Variants in CCDC40 observed in about 807,000 individuals in gnomAD.
CCDC40 encodes the protein coiled-coil domain 40 molecular ruler complex subunit.
CCDC40 carries 104 observed loss-of-function variants against 124.5 expected under a neutral mutation model. That is an observed-to-expected ratio of 0.84 (90% CI 0.71 to 0.98). CCDC40 has a LOEUF of 0.98. CCDC40 is among the 50% of genes least tolerant of loss of function. The probability of loss-of-function intolerance (pLI) is 0.00; values close to 1 mark genes in which losing one functional copy is unlikely to be tolerated. For synonymous variants in CCDC40, 580 were observed against 602.9 expected (o/e 0.96, Z 0.56); for missense variants, 1,463 against 1,503.9 (o/e 0.97, Z 0.45).
chr17:80,042,374 C>T (rs1440262935), intron 3 of CCDC40, among the ~76,000 whole-genome samples: 1 of 152,222 alleles, frequency 6.6e-6, no homozygotes, highest in Non-Finnish European at 1.5e-5. Flanking sequence ...CCTGCCGCAG[C>T]TTCCCAAAGT....
chr17:80,088,589 T>C (rs1397511435), intron 16 of CCDC40, among the ~76,000 whole-genome samples: 3 of 152,172 alleles, frequency 2.0e-5, no homozygotes, highest in African/African-American at 7.2e-5. Flanking sequence ...GGAGGCTCCT[T>C]TGGGGCCAGG....
At position 80,089,747 on chromosome 17, in the gene CCDC40, C is replaced by T. The variant is rs748456488; in HGVS notation, c.2712-17C>T. The T allele has an allele frequency of 6.2e-6, 10 of 1,614,154 alleles. No individual in the cohort carries two copies. The highest frequency in any genetic ancestry group is 8.5e-6 in the Non-Finnish European group (10 of 1,179,970). On this transcript the variant is annotated splice_polypyrimidine_tract_variant and intron_variant, in intron 16 of 19. Coordinates refer to ENST00000397545, the MANE Select transcript of CCDC40 (RefSeq NM_017950.4). ...GAAAACTCCTAATTTCTTACACTGC[C>T]TCTCCTACCTCTAAAGACACCAGAT...
Position 80,097,340 on chromosome 17 carries a change from G to T in CCDC40, c.3117G>T (p.Val1039=). 1 of 1,613,954 alleles carries T rather than the reference G, an allele frequency of 6.2e-7. No homozygotes were observed. Among genetic ancestry groups the T allele is most frequent in the Non-Finnish European group, 8.5e-7 (1 of 1,180,030 alleles). The change falls in exon 19 of 20, where the codon GTG becomes GTT. Residue 1039 remains valine, a synonymous_variant. Coordinates refer to ENST00000397545, the MANE Select transcript of CCDC40 (RefSeq NM_017950.4). ...TAGAGAAGCAGGAAAAGCTGTCGGT[G>T]ATTCAGGCAGACTTCGACACACTCG... The part of the protein sequence containing the change: ...SLLEKQEKLS[V]IQADFDTLEA...
At chr17:80,096,684 C>A (rs1383029968) in intron 18 of CCDC40, among the ~76,000 whole-genome samples, 1 of 152,192 alleles carries the variant, frequency 6.6e-6, no homozygotes, top group Non-Finnish European at 1.5e-5. Context: ...CCTGCCAGCC[C>A]CACCCCAAAG....
intron 1 of CCDC40, among the ~76,000 whole-genome samples, chr17:80,037,445 G>A (rs967494214): frequency 1.3e-5 from 2 of 151,820 alleles, no homozygotes; most frequent in African/African-American, 4.8e-5. Context: ...AAAGACTAAA[G>A]GTATTATTAA....
chr17:80,072,553 A>C (rs938838159), intron 10 of CCDC40, among the ~76,000 whole-genome samples: 1 of 152,234 alleles, frequency 6.6e-6, no homozygotes, highest in African/African-American at 2.4e-5. Context: ...ATTTACTTGA[A>C]GTCAGGATGA....
chr17:80,043,499 C>T (rs2037334481), intron 3 of CCDC40, among the ~76,000 whole-genome samples: 1 of 71,272 alleles, frequency 1.4e-5, no homozygotes, highest in South Asian at 3.4e-4. Context: ...GAACACACCC[C>T]TGCGGCCGGC....
intron 18 of CCDC40, 103 bp downstream of exon 18, chr17:80,095,554 G>A: frequency 1.8e-6 from 2 of 1,123,038 alleles, no homozygotes; most frequent in Non-Finnish European, 2.6e-6. Flanking sequence ...GGATGCAGAG[G>A]CTGCAGTGGG....
chr17:80,059,443 T>C (rs1205799779), intron 9 of CCDC40, among the ~76,000 whole-genome samples: 1 of 149,770 alleles, frequency 6.7e-6, no homozygotes, highest in African/African-American at 2.5e-5. Flanking sequence ...TGGCCCCAGA[T>C]TCAGGTCTGT....
chr17:80,069,322 A>G (rs1422006143), intron 10 of CCDC40, among the ~76,000 whole-genome samples: 1 of 152,226 alleles, frequency 6.6e-6, no homozygotes, highest in Admixed American at 6.5e-5. Context: ...AGCTTAGCTC[A>G]GAAGCTGTGC....
chr17:80,085,273 T>G (rs2038558872), intron 13 of CCDC40, among the ~76,000 whole-genome samples: 1 of 152,238 alleles, frequency 6.6e-6, no homozygotes, highest in Non-Finnish European at 1.5e-5. Flanking sequence ...CGTAAAGGAA[T>G]GGGCACGGCT....
chr17:80,053,396 G>A (rs1187908212), intron 7 of CCDC40, among the ~76,000 whole-genome samples: 5 of 152,128 alleles, frequency 3.3e-5, no homozygotes, highest in Non-Finnish European at 5.9e-5. Context: ...AAAACCACCA[G>A]GACCTATCCC....
At chr17:80,091,302 TACACAC>T (rs71163919) in intron 17 of CCDC40, among the ~76,000 whole-genome samples, 19,372 of 139,302 alleles carry the variant, frequency 0.14, 1,505 homozygotes, top group African/African-American at 0.22. Flanking sequence ...ACCAGTAGAC[TACACAC>T]ACACACACAC....
intron 10 of CCDC40, among the ~76,000 whole-genome samples, chr17:80,080,625 C>T (rs1443041070): frequency 6.6e-6 from 1 of 152,150 alleles, no homozygotes; most frequent in Admixed American, 6.5e-5. Flanking sequence ...CTATTTCCTT[C>T]CTAGGATTAT....
At chr17:80,048,550 G>C (rs747387936) in intron 4 of CCDC40, 33 bp from the exon 5 acceptor site, 2 of 1,578,412 alleles carry the variant, frequency 1.3e-6, no homozygotes, top group Non-Finnish European at 1.7e-6. Flanking sequence ...CTCTCCAGCA[G>C]CTCCTCAATG....
intron 17 of CCDC40, chr17:80,090,837 CTGAGT>C: frequency 1.7e-6 from 2 of 1,168,090 alleles, no homozygotes; most frequent in Non-Finnish European, 2.1e-6. Context: ...AATTCCTCTG[CTGAGT>C]TATTTTTCAG....
intron 12 of CCDC40, among the ~76,000 whole-genome samples, chr17:80,082,843 G>A (rs1598535651): frequency 6.6e-6 from 1 of 152,248 alleles, no homozygotes; most frequent in African/African-American, 2.4e-5. Flanking sequence ...CCAGAAGAGG[G>A]CAGCAAAGAG....
intron 10 of CCDC40, chr17:80,067,553 C>T (rs1320420357): frequency 1.3e-6 from 2 of 1,528,938 alleles, no homozygotes; most frequent in South Asian, 2.4e-5. Flanking sequence ...CCGCTCGTTC[C>T]CGCCTTTCTA....
chr17:80,085,979 C>G (rs1236349504), intron 13 of CCDC40, 24 bp from the exon 14 acceptor site: 1 of 1,610,864 alleles, frequency 6.2e-7, no homozygotes, highest in Non-Finnish European at 8.5e-7. Flanking sequence ...CCTAATTTTG[C>G]TTTTTGATGA....
Sources: gnomAD v4.1 joint callset for allele counts (sites outside exome capture counted in the v4.1 genomes callset) on GRCh38, gnomAD v4.1.1 for gene constraint, MANE v1.5 for transcripts, NCBI Gene and HGNC (gene_info 2026-07-23, HGNC 2026-07-21) for gene names.